ZFX: variants seen among roughly 807,000 people sequenced by gnomAD.
ZFX encodes zinc finger X-chromosomal protein.
For missense variants in ZFX, 362 were observed against 628.3 expected (o/e 0.58, Z 4.53); for synonymous variants, 196 against 226.8 (o/e 0.86, Z 1.22).
chrX:24,215,745 A>G lies in ZFX; in HGVS notation c.*4369A>G, dbSNP rs1938424544. On this transcript the variant is annotated 3_prime_UTR_variant, in exon 10 of 10. Transcript: ENST00000304543. ...TTTAGCGCACATGTAAATAGCCTGC[A>G]CTTCCTAAATCTCGTGTGGCCTCCC... is the stretch of plus-strand genomic sequence containing the variant. The G allele has an allele frequency of 9.0e-6, 1 of 110,899 alleles. No homozygotes were observed. Among genetic ancestry groups the G allele is most frequent in the Admixed American group, 9.8e-5 (1 of 10,250 alleles). 9.1% of individuals were successfully genotyped at this position (110,899 alleles called of 1,213,427 possible).
At chrX:24,187,497 T>C (rs931999738) in intron 5 of ZFX, among the ~76,000 whole-genome samples, 5 of 112,091 alleles carry the variant, frequency 4.5e-5, no homozygotes, top group African/African-American at 1.6e-4. Flanking sequence ...TGTTAAACAA[T>C]AATTTGTTGG....
intron 5 of ZFX, among the ~76,000 whole-genome samples, chrX:24,182,498 G>A (rs1040441271): frequency 1.8e-5 from 2 of 111,696 alleles, no homozygotes; most frequent in African/African-American, 6.5e-5. Context: ...CAAGTTATCA[G>A]CCACTGAGGA....
At position 24,182,154 on chromosome X, in the gene ZFX, G is replaced by A. The variant is rs188058348; in HGVS notation, c.646+2384G>A. ...ACCTGAAAGGAGGAGTAGGTTTGGT[G>A]GGGGAAGGTGGGGGAAGGGGGAAGA... On this transcript the variant is annotated intron_variant, in intron 5 of 9. Coordinates refer to ENST00000304543, the MANE Select transcript of ZFX (RefSeq NM_003410.4). Among the ~76,000 whole-genome samples, 757 of 105,933 alleles carry A rather than the reference G, an allele frequency of 7.1e-3. 8 individuals carry two copies. Among genetic ancestry groups the A allele is most frequent in the African/African-American group, 0.027 (711 of 26,081 alleles). The allele number at this position is 105,933 out of a possible 115,157, so 92.0% of individuals were successfully genotyped here.
At chrX:24,163,139 T>A (rs957442376) in intron 3 of ZFX, among the ~76,000 whole-genome samples, 1 of 108,641 alleles carries the variant, frequency 9.2e-6, no homozygotes, top group East Asian at 2.8e-4. Flanking sequence ...ATCAGGCGTT[T>A]TTTTTTTTGA....
intron 5 of ZFX, among the ~76,000 whole-genome samples, chrX:24,188,128 TGCCACTGCACTCTA>T (rs1332059405): frequency 9.2e-6 from 1 of 108,571 alleles, no homozygotes; most frequent in Non-Finnish European, 1.9e-5. Flanking sequence ...ACTGAGATCA[TGCCACTGCACTCTA>T]GCCACTGCAC....
Position 24,211,617 on chromosome X carries a change from G to T in ZFX, c.*241G>T. ...CAACATGCTAGTTACTTTTAATAAA[G>T]TAATCCCTGATTCTATACCGAAGTT... On this transcript the variant is annotated 3_prime_UTR_variant, in exon 10 of 10. Coordinates refer to ENST00000304543, the MANE Select transcript of ZFX (RefSeq NM_003410.4). 1 of 370,138 alleles carries T rather than the reference G, an allele frequency of 2.7e-6. No homozygotes were observed. Among genetic ancestry groups the T allele is most frequent in the African/African-American group, 2.6e-5 (1 of 39,087 alleles). 30.5% of individuals were successfully genotyped at this position (370,138 alleles called of 1,213,427 possible).
chrX:24,210,195 A>G lies in ZFX; in HGVS notation c.1237A>G (p.Ile413Val), dbSNP rs766713084. 40 of 1,211,796 alleles carry G rather than the reference A, an allele frequency of 3.3e-5. No homozygotes were observed. The highest frequency in any genetic ancestry group is 4.4e-5 in the Non-Finnish European group (39 of 895,587). The part of the protein sequence containing the change: ...RPDSRQYQTA[I>V]IIGPDGHPLT... ...ACTCCTTTCTTTTCCTTTTTTAGCA[A>G]TAATTATTGGCCCTGATGGACATCC... The change falls in exon 10 of 10, where the codon ATA (isoleucine) becomes GTA (valine). Residue 413 changes from isoleucine (I) to valine (V), a missense_variant and splice_region_variant. Transcript: ENST00000304543.
chrX:24,158,132 C>G (rs746285203), intron 3 of ZFX, among the ~76,000 whole-genome samples: 38 of 111,585 alleles, frequency 3.4e-4, no homozygotes, highest in Non-Finnish European at 4.9e-4. Context: ...CTTGATAAAT[C>G]TAGAATGAAA....
In ZFX at chrX:24,163,364, G is replaced by GTTTTTTT. The variant is rs66467960; in HGVS notation, c.-28-9326_-28-9320dup. Among the ~76,000 whole-genome samples the GTTTTTTT allele has an allele frequency of 1.7e-3, 32 of 19,061 alleles. 7 individuals are homozygous for GTTTTTTT. The highest frequency in any genetic ancestry group is 2.5e-3 in the Non-Finnish European group (30 of 12,225). 16.6% of individuals were successfully genotyped at this position (19,061 alleles called of 115,157 possible). ...AATTTGGTTAAATTATTTTTGTTAG[G>GTTTTTTT]TTTTTTTTTTTTTTTTTTTTTTTTT... On this transcript the variant is annotated intron_variant, in intron 3 of 9. Coordinates refer to ENST00000304543, the MANE Select transcript of ZFX (RefSeq NM_003410.4).
chrX:24,157,671 T>C (rs1337860446), intron 3 of ZFX, among the ~76,000 whole-genome samples: 2 of 112,526 alleles, frequency 1.8e-5, no homozygotes, highest in Non-Finnish European at 1.9e-5. Flanking sequence ...AACACTCTTA[T>C]TGGCAGAGCA....
chrX:24,213,171 C>T lies in ZFX; in HGVS notation c.*1795C>T, dbSNP rs1342348648. On this transcript the variant is annotated 3_prime_UTR_variant, in exon 10 of 10. Coordinates refer to ENST00000304543, the MANE Select transcript of ZFX (RefSeq NM_003410.4). ...CCACCTGCCTCGGCCTTCCATAGTG[C>T]TGGGTTTACAGGCGTGAGCCACCGT... 1.8e-5 allele frequency: 2 copies of T among 112,404 alleles called. No individual in the cohort carries two copies. The highest frequency in any genetic ancestry group is 3.2e-5 in the African/African-American group (1 of 30,882). 9.3% of individuals were successfully genotyped at this position (112,404 alleles called of 1,213,427 possible).
At chrX:24,173,671 C>T (rs1435362522) in intron 4 of ZFX, 4 of 775,108 alleles carry the variant, frequency 5.2e-6, no homozygotes, top group South Asian at 4.5e-5. Flanking sequence ...CTGCAACCTC[C>T]GCCTCCCAGG....
intron 5 of ZFX, among the ~76,000 whole-genome samples, chrX:24,199,041 C>T (rs763537665): frequency 9.0e-6 from 1 of 110,697 alleles, no homozygotes; most frequent in South Asian, 3.9e-4. Flanking sequence ...AGAGGAGGCT[C>T]CAGCAAAAGA....
intron 5 of ZFX, among the ~76,000 whole-genome samples, chrX:24,185,802 A>AAGT (rs1936060323): frequency 9.0e-6 from 1 of 111,422 alleles, no homozygotes; most frequent in Non-Finnish European, 1.9e-5. Flanking sequence ...ACAATGGCTT[A>AAGT]TGCCTGTAAT....
At chrX:24,209,102 A>G in intron 9 of ZFX, 62 bp downstream of exon 9, 1 of 1,208,401 alleles carries the variant, frequency 8.3e-7, no homozygotes, top group Non-Finnish European at 1.1e-6. Flanking sequence ...AAACTCTAGT[A>G]TGTATCCACA....
chrX:24,176,183 G>A (rs1002207279), intron 4 of ZFX, among the ~76,000 whole-genome samples: 4 of 107,817 alleles, frequency 3.7e-5, no homozygotes, highest in African/African-American at 1.4e-4. Flanking sequence ...GGGATTACAG[G>A]CATGCGCCAC....
intron 5 of ZFX, among the ~76,000 whole-genome samples, chrX:24,206,723 T>C (rs909585356): frequency 6.4e-4 from 70 of 109,958 alleles, no homozygotes; most frequent in African/African-American, 2.2e-3. Context: ...AGATCTTTAA[T>C]ATAAGAGTGC....
intron 5 of ZFX, among the ~76,000 whole-genome samples, chrX:24,188,685 T>G (rs1447369816): frequency 8.9e-6 from 1 of 111,735 alleles, no homozygotes; most frequent in African/African-American, 3.3e-5. Context: ...TTAGGCAGAT[T>G]AATAATAACA....
intron 5 of ZFX, among the ~76,000 whole-genome samples, chrX:24,190,792 GC>G (rs938914664): frequency 8.9e-6 from 1 of 112,497 alleles, no homozygotes. Flanking sequence ...GAGTCAGGCA[GC>G]CTTGGATTTG....
Sources: gnomAD v4.1 joint callset for allele counts (sites outside exome capture counted in the v4.1 genomes callset) on GRCh38, gnomAD v4.1.1 for gene constraint, MANE v1.5 for transcripts, NCBI Gene and HGNC (gene_info 2026-07-23, HGNC 2026-07-21) for gene names.